The following MLXIP variants were observed in gnomAD, a reference collection of about 807,000 sequenced individuals.
MLXIP encodes the protein MLX interacting protein.
A neutral mutation model predicts 87.2 loss-of-function variants in MLXIP; 30 were observed. The ratio of observed to expected loss-of-function variants is 0.34; its 90% confidence interval spans 0.26 to 0.47. The LOEUF (loss-of-function observed/expected upper bound fraction) is 0.47, where lower values mean the gene tolerates loss of function less well. Among genes scored for constraint, MLXIP ranks in the 20% least tolerant of loss-of-function variants. The probability of loss-of-function intolerance (pLI) is 1.00; values close to 1 mark genes in which losing one functional copy is unlikely to be tolerated. For missense variants in MLXIP, 1,002 were observed against 1,240.1 expected (o/e 0.81, Z 2.88); for synonymous variants, 530 against 514.0 (o/e 1.03, Z -0.42).
At chr12:122,108,367 CAAAA>C (rs61424369) in intron 1 of MLXIP, among the ~76,000 whole-genome samples, 1 of 80,544 alleles carries the variant, frequency 1.2e-5, no homozygotes. Context: ...GACTCCATCT[CAAAA>C]AAAAAAAAAA....
intron 1 of MLXIP, among the ~76,000 whole-genome samples, chr12:122,097,911 C>T (rs1952380123): frequency 6.6e-6 from 1 of 150,838 alleles, no homozygotes; most frequent in Non-Finnish European, 1.5e-5. Flanking sequence ...ACCCAGTTAG[C>T]AGCTCAGCTC....
chr12:122,099,464 C>G (rs1952404456), intron 1 of MLXIP, among the ~76,000 whole-genome samples: 1 of 152,246 alleles, frequency 6.6e-6, no homozygotes, highest in Non-Finnish European at 1.5e-5. Context: ...CTGGTGGCCC[C>G]AGCCTCACTT....
At chr12:122,093,506 T>C (rs1952282850) in intron 1 of MLXIP, among the ~76,000 whole-genome samples, 1 of 139,196 alleles carries the variant, frequency 7.2e-6, no homozygotes. Flanking sequence ...GCGGTGTCTG[T>C]GTTGGTGTGT....
chr12:122,102,558 G>A (rs1252297807), intron 1 of MLXIP, among the ~76,000 whole-genome samples: 3 of 152,134 alleles, frequency 2.0e-5, no homozygotes. Context: ...CCCTTCCTAA[G>A]AATCTCCCCA....
Position 122,109,974 on chromosome 12 carries a change from G to T in MLXIP, c.414-17282G>T, listed in dbSNP as rs536805468. 8.5e-5 allele frequency among the ~76,000 whole-genome samples: 13 copies of T among 152,242 alleles called. 1 individual carries two copies. In the South Asian group the frequency reaches 2.3e-3, roughly 27 times the overall value. ...GGATCCAGCTATTCTTCCTTTTGCC[G>T]AATGGAAGTGGGTGTGACCCCAACG... is the stretch of plus-strand genomic sequence containing the variant. On this transcript the variant is annotated intron_variant, in intron 1 of 16. Transcript: ENST00000319080.
chr12:122,141,495 T>C (rs1303058975), intron 16 of MLXIP, 196 bp from the exon 17 acceptor site: 1 of 425,618 alleles, frequency 2.3e-6, no homozygotes. Context: ...CTCCTGGATT[T>C]GGGGAGGCTT....
chr12:122,097,851 C>CG (rs1565962411), intron 1 of MLXIP, among the ~76,000 whole-genome samples: 12 of 151,930 alleles, frequency 7.9e-5, no homozygotes, highest in South Asian at 2.1e-4. Flanking sequence ...TGGGTTCCCC[C>CG]TCCCCACAAG....
At position 122,133,972 on chromosome 12, in the gene MLXIP, G is replaced by A; in HGVS notation, c.1717G>A (p.Ala573Thr). The A allele has an allele frequency of 3.8e-6, 6 of 1,599,574 alleles. No homozygotes were observed. Among genetic ancestry groups the A allele is most frequent in the Non-Finnish European group, 3.4e-6 (4 of 1,172,254 alleles). The change falls in exon 9 of 17, where the codon GCC (alanine) becomes ACC (threonine). Residue 573 changes from alanine (A) to threonine (T), a missense_variant. Physicochemically the swap from Ala to Thr is moderately conservative, Grantham distance 58. Around this residue, in one of 3 missense-constraint regions of MLXIP, gnomAD observed 746 missense variants for 897.0 expected, o/e 0.83. Transcript: ENST00000319080. The surrounding 1 kb of genome is among the most constrained non-coding windows in gnomAD (Gnocchi z 4.9). ...PEPVSLVLKNARIAPAAFSGQ... is the reference protein window; with the variant it reads ...PEPVSLVLKNTRIAPAAFSGQ... ...GCCCGTGTCCTTGGTGTTGAAGAAT[G>A]CCCGTATCGCCCCAGGTGAGCCAGG...
chr12:122,096,238 C>T (rs1043673323), intron 1 of MLXIP, among the ~76,000 whole-genome samples: 8 of 152,126 alleles, frequency 5.3e-5, no homozygotes, highest in Non-Finnish European at 7.3e-5. Context: ...CCGCCACACC[C>T]GGCTTCTGCA....
intron 1 of MLXIP, among the ~76,000 whole-genome samples, chr12:122,113,023 C>T (rs1952628559): frequency 6.6e-6 from 1 of 152,116 alleles, no homozygotes; most frequent in African/African-American, 2.4e-5. Context: ...TAGTGTTTAT[C>T]ACAGCATTGT....
intron 9 of MLXIP, 199 bp downstream of exon 9, chr12:122,134,186 T>G (rs973630657): frequency 2.0e-5 from 13 of 654,736 alleles, no homozygotes; most frequent in Non-Finnish European, 2.6e-5. Context: ...ATGCTCTATC[T>G]TTTTTGTTTT....
intron 1 of MLXIP, among the ~76,000 whole-genome samples, chr12:122,113,793 T>A (rs1952642924): frequency 6.8e-6 from 1 of 146,162 alleles, no homozygotes; most frequent in East Asian, 2.1e-4. Flanking sequence ...CATGCCATTC[T>A]CCTGCGTCAG....
rs1276434714 is a variant in MLXIP, at chr12:122,098,677, G to C, written c.413+19411G>C. On this transcript the variant is annotated intron_variant, in intron 1 of 16. Transcript: ENST00000319080. ...TGGTGCCTCAAAGTCACGGGGACTT[G>C]AGGGTAGAAATTAGGAGGGAAGGGC... Among the ~76,000 whole-genome samples, 10 of 152,212 alleles carry C rather than the reference G, an allele frequency of 6.6e-5. No homozygotes were observed. The East Asian group carries it at 1.9e-3, about 29-fold the overall frequency.
At chr12:122,138,157 A>G (rs143658280) in intron 12 of MLXIP, 37 bp from the exon 13 acceptor site, 5 of 1,540,616 alleles carry the variant, frequency 3.2e-6, no homozygotes, top group African/African-American at 2.7e-5. Context: ...TGTGCCTGCA[A>G]TGTGCCTGTC....
At position 122,127,911 on chromosome 12, in the gene MLXIP, C is replaced by T; in HGVS notation, c.549C>T (p.Cys183=). 6.2e-7 allele frequency: 1 copy of T among 1,613,770 alleles called. No individual in the cohort carries two copies. The highest frequency in any genetic ancestry group is 8.5e-7 in the Non-Finnish European group (1 of 1,179,764). Residue 183 remains cysteine, a synonymous_variant, in exon 3 of 17, where the codon TGC becomes TGT. Coordinates refer to ENST00000319080, the MANE Select transcript of MLXIP (RefSeq NM_014938.6). ...TGGAGAAGCGCAAGAATCCTGTGTGCCACTTTGTGACACCCCTGGACGGCT... is the reference window on the plus strand; with the variant it reads ...TGGAGAAGCGCAAGAATCCTGTGTGTCACTTTGTGACACCCCTGGACGGCT... The part of the protein sequence containing the change: ...QYLEKRKNPV[C]HFVTPLDGSV...
At chr12:122,120,046 G>A (rs1198188628) in intron 1 of MLXIP, among the ~76,000 whole-genome samples, 18 of 152,202 alleles carry the variant, frequency 1.2e-4, no homozygotes, top group Non-Finnish European at 2.6e-4. Flanking sequence ...GTAGCCCAAA[G>A]GTGGATACGA....
chr12:122,125,853 G>A (rs1323150333), intron 1 of MLXIP, among the ~76,000 whole-genome samples: 2 of 152,216 alleles, frequency 1.3e-5, no homozygotes, highest in Non-Finnish European at 2.9e-5. Flanking sequence ...TTTGGGTGGG[G>A]ATAGGCACAA....
At position 122,142,118 on chromosome 12, in the gene MLXIP, C is replaced by G. The variant is rs1159671072; in HGVS notation, c.*306C>G. The G allele has an allele frequency of 4.3e-6, 3 of 701,678 alleles. No individual in the cohort carries two copies. The African/African-American group carries it at 5.2e-5, about 12-fold the overall frequency. 43.5% of individuals were successfully genotyped at this position (701,678 alleles called of 1,614,324 possible). On this transcript the variant is annotated 3_prime_UTR_variant, in exon 17 of 17. Transcript: ENST00000319080. Reference sequence around the variant, plus strand: ...AAGTGCTGGCCGTGCTGGTCCTGCCCTGCTGGTGGCCTGCCGGGCCTGGCG... The same window carrying G: ...AAGTGCTGGCCGTGCTGGTCCTGCCGTGCTGGTGGCCTGCCGGGCCTGGCG...
intron 1 of MLXIP, among the ~76,000 whole-genome samples, chr12:122,106,752 C>T: frequency 6.6e-6 from 1 of 151,860 alleles, no homozygotes; most frequent in South Asian, 2.1e-4. Flanking sequence ...CAGGCCTGCA[C>T]CTCCAAGCCT....
Sources: allele counts gnomAD v4.1 joint callset (sites outside exome capture counted in the v4.1 genomes callset), GRCh38; gene constraint gnomAD v4.1.1; regional missense constraint gnomAD v4.1.1; non-coding constraint Gnocchi (gnomAD v3.1); transcripts MANE v1.5; gene names NCBI Gene and HGNC (gene_info 2026-07-23, HGNC 2026-07-21).